Variants in APBA2 observed in about 807,000 individuals in gnomAD.
APBA2 encodes the protein amyloid beta precursor protein binding family A member 2.
A neutral mutation model predicts 75.0 loss-of-function variants in APBA2; 30 were observed. The observed-to-expected ratio is 0.40, with a 90% CI of 0.30 to 0.54. The LOEUF is 0.54. Among genes scored for constraint, APBA2 ranks in the 20% least tolerant of loss-of-function variants. The pLI is 0.49. For synonymous variants in APBA2, 444 were observed against 409.6 expected, an observed-to-expected ratio of 1.08 and a Z score of -1.01; for missense variants, 801 against 1,016.1, an observed-to-expected ratio of 0.79 and a Z score of 2.88.
Position 29,094,148 on chromosome 15 carries a change from C to G in APBA2, c.1216-130C>G, listed in dbSNP as rs1595947585. 8.5e-6 allele frequency: 8 copies of G among 946,110 alleles called. No homozygotes were observed. The South Asian group carries it at 1.0e-4, about 12-fold the overall frequency. 58.6% of individuals were successfully genotyped at this position (946,110 alleles called of 1,614,324 possible). ...GCTTGAAGTGGGCAATGGCTGTCCA[C>G]CCGTCCCTGCTGGGCTTTGCTAGGC... On this transcript the variant is annotated intron_variant, in intron 7 of 14. Coordinates refer to ENST00000683413, the MANE Select transcript of APBA2 (RefSeq NM_001353788.2).
chr15:28,955,817 C>T (rs1466901444), intron 2 of APBA2, among the ~76,000 whole-genome samples: 3 of 152,190 alleles, frequency 2.0e-5, no homozygotes, highest in Non-Finnish European at 4.4e-5. Context: ...GGCCTTGGGC[C>T]AGGGAGCACA....
At chr15:29,033,882 G>A (rs1301906786) in intron 3 of APBA2, among the ~76,000 whole-genome samples, 2 of 145,394 alleles carry the variant, frequency 1.4e-5, no homozygotes, top group African/African-American at 2.6e-5. Flanking sequence ...GGAGAATGGC[G>A]TTAACCCAGG....
chr15:29,040,188 G>T (rs1277406151), intron 3 of APBA2, among the ~76,000 whole-genome samples: 3 of 152,204 alleles, frequency 2.0e-5, no homozygotes, highest in African/African-American at 7.2e-5. Flanking sequence ...CCAACTCTCT[G>T]GTTGGAGGAA....
At chr15:29,030,334 T>C (rs891053240) in intron 3 of APBA2, among the ~76,000 whole-genome samples, 6 of 151,886 alleles carry the variant, frequency 4.0e-5, no homozygotes, top group South Asian at 2.1e-4. Context: ...TGATGGCGGG[T>C]GCCTATAGTC....
chr15:29,005,850 C>T (rs779632733), intron 3 of APBA2, among the ~76,000 whole-genome samples: 6 of 149,358 alleles, frequency 4.0e-5, no homozygotes, highest in East Asian at 3.9e-4. Flanking sequence ...GGCAACAGAG[C>T]GAGACTCTGT....
At chr15:29,108,096 C>T (rs902480479) in intron 12 of APBA2, among the ~76,000 whole-genome samples, 174 bp from the exon 13 acceptor site, 3 of 152,098 alleles carry the variant, frequency 2.0e-5, no homozygotes, top group Non-Finnish European at 2.9e-5. Flanking sequence ...AGGGCCAGGG[C>T]GAGGCTTGTC....
intron 3 of APBA2, among the ~76,000 whole-genome samples, chr15:29,021,960 A>G (rs1302232307): frequency 2.6e-5 from 4 of 152,172 alleles, no homozygotes; most frequent in Non-Finnish European, 5.9e-5. Context: ...GTGGCTGTAC[A>G]TGGCAGGATT....
chr15:28,999,346 A>G (rs1428697274), intron 3 of APBA2, among the ~76,000 whole-genome samples: 1 of 152,212 alleles, frequency 6.6e-6, no homozygotes, highest in Non-Finnish European at 1.5e-5. Flanking sequence ...TTACTGTGAG[A>G]GATTTGTATT....
intron 1 of APBA2, among the ~76,000 whole-genome samples, chr15:28,912,959 C>T (rs535504432): frequency 2.8e-4 from 43 of 152,330 alleles, no homozygotes; most frequent in Middle Eastern, 3.4e-3. Context: ...CTAGGCACTG[C>T]GGTGGGCGAG....
At chr15:28,904,335 C>T (rs144864463) in intron 1 of APBA2, among the ~76,000 whole-genome samples, 2 of 152,312 alleles carry the variant, frequency 1.3e-5, no homozygotes, top group African/African-American at 4.8e-5. Context: ...CCCAGCCATA[C>T]GAGTTTGTCC....
intron 4 of APBA2, among the ~76,000 whole-genome samples, chr15:29,056,606 C>CTTCCTTCCTTCCT (rs1391611533): frequency 8.9e-4 from 4 of 4,504 alleles, no homozygotes; most frequent in African/African-American, 1.4e-3. Context: ...CCCTCCCTCC[C>CTTCCTTCCTTCCT]TCCCTCCTTC....
At chr15:29,020,785 G>A (rs764893042) in intron 3 of APBA2, among the ~76,000 whole-genome samples, 50 of 152,196 alleles carry the variant, frequency 3.3e-4, no homozygotes, top group Non-Finnish European at 6.2e-4. Flanking sequence ...ACTCCAGCCT[G>A]GGCAACAAGA....
intron 2 of APBA2, among the ~76,000 whole-genome samples, chr15:28,978,762 G>T (rs1475914751): frequency 2.0e-5 from 3 of 152,186 alleles, no homozygotes; most frequent in African/African-American, 4.8e-5. Flanking sequence ...TTCTTCTCCA[G>T]GACTGCAGGA....
intron 3 of APBA2, among the ~76,000 whole-genome samples, chr15:29,040,223 G>A (rs566794553): frequency 1.7e-4 from 26 of 152,324 alleles, no homozygotes; most frequent in African/African-American, 6.3e-4. Context: ...AAGGTGGTGG[G>A]AAGAATCCCC....
chr15:29,062,760 G>T (rs914222657), intron 4 of APBA2, among the ~76,000 whole-genome samples: 1 of 152,184 alleles, frequency 6.6e-6, no homozygotes, highest in South Asian at 2.1e-4. Flanking sequence ...CCTAGTCCTC[G>T]GGGAGAAAGC....
intron 2 of APBA2, among the ~76,000 whole-genome samples, chr15:28,970,890 ATGTGTGCCCATG>A: frequency 6.6e-6 from 1 of 152,256 alleles, no homozygotes; most frequent in Middle Eastern, 3.4e-3. Context: ...ACACACCCGT[ATGTGTGCCCATG>A]TGTGTGCACA....
At chr15:29,032,581 T>G (rs1041100353) in intron 3 of APBA2, among the ~76,000 whole-genome samples, 1 of 152,238 alleles carries the variant, frequency 6.6e-6, no homozygotes, top group Admixed American at 6.5e-5. Flanking sequence ...TACTGTAGTT[T>G]TTTCATCTGG....
chr15:29,074,958 G>T lies in APBA2; in HGVS notation c.989G>T (p.Arg330Leu). 1.9e-6 allele frequency: 3 copies of T among 1,614,122 alleles called. No individual in the cohort carries two copies. The South Asian group carries it at 3.3e-5, about 18-fold the overall frequency. Reference protein sequence around the residue: ...NGLEQPRKQQRSDLNGPVDNN... With the variant: ...NGLEQPRKQQLSDLNGPVDNN... Reference sequence around the variant, plus strand: ...CTGGAGCAGCCAAGGAAGCAGCAGCGCTCTGATCTCAATGGACCTGTTGAC... The same window carrying T: ...CTGGAGCAGCCAAGGAAGCAGCAGCTCTCTGATCTCAATGGACCTGTTGAC... The change falls in exon 5 of 15, where the codon CGC (arginine) becomes CTC (leucine). Residue 330 changes from arginine (R) to leucine (L), a missense_variant. Arg to Leu is a moderately radical substitution (Grantham distance 102). Coordinates refer to ENST00000683413, the MANE Select transcript of APBA2 (RefSeq NM_001353788.2).
At chr15:29,034,671 CTG>C (rs2040655097) in intron 3 of APBA2, among the ~76,000 whole-genome samples, 2 of 152,330 alleles carry the variant, frequency 1.3e-5, no homozygotes, top group African/African-American at 2.4e-5. Context: ...GGGGCACAGA[CTG>C]TGAAGTGCAT....
Sources: allele counts gnomAD v4.1 joint callset (sites outside exome capture counted in the v4.1 genomes callset), GRCh38; gene constraint gnomAD v4.1.1; transcripts MANE v1.5; gene names NCBI Gene and HGNC (gene_info 2026-07-23, HGNC 2026-07-21).